The following CCDC192 variants were observed in gnomAD, a reference collection of about 807,000 sequenced individuals.
The protein encoded by CCDC192 is coiled-coil domain-containing protein 192.
At chr5:127,896,797 C>T (rs1399106269) in intron 6 of CCDC192, among the ~76,000 whole-genome samples, 1 of 151,980 alleles carries the variant, frequency 6.6e-6, no homozygotes, top group Non-Finnish European at 1.5e-5. Context: ...AAAGAAAAAC[C>T]CAAAGAACAT....
At chr5:127,750,440 A>G (rs1331814056) in intron 2 of CCDC192, among the ~76,000 whole-genome samples, 1 of 151,988 alleles carries the variant, frequency 6.6e-6, no homozygotes, top group African/African-American at 2.4e-5. Context: ...GAGATTCTTA[A>G]TCCTGAGTTC....
chr5:127,939,811 G>A (rs1754324007), intron 6 of CCDC192, among the ~76,000 whole-genome samples: 1 of 152,102 alleles, frequency 6.6e-6, no homozygotes, highest in African/African-American at 2.4e-5. Context: ...TCTCTCAGGT[G>A]AAGCTGTGAG....
chr5:127,874,826 T>C (rs1170862273), intron 5 of CCDC192, among the ~76,000 whole-genome samples: 1 of 152,178 alleles, frequency 6.6e-6, no homozygotes. Context: ...ATGAATCAAA[T>C]CTACTCTGAA....
intron 6 of CCDC192, among the ~76,000 whole-genome samples, chr5:127,915,584 T>C (rs1466908603): frequency 6.6e-6 from 1 of 152,212 alleles, no homozygotes; most frequent in East Asian, 1.9e-4. Context: ...GGTTTCACCA[T>C]GTTGGCCAGG....
chr5:127,845,988 A>G (rs961489304), intron 5 of CCDC192, among the ~76,000 whole-genome samples: 36 of 152,264 alleles, frequency 2.4e-4, no homozygotes, highest in African/African-American at 8.4e-4. Context: ...GTAGCATTCA[A>G]TAATAAAAGA....
chr5:127,866,620 G>A (rs1207946896), intron 5 of CCDC192, among the ~76,000 whole-genome samples: 2 of 151,576 alleles, frequency 1.3e-5, no homozygotes, highest in Non-Finnish European at 2.9e-5. Context: ...TACTTATAAA[G>A]AATAAAGATT....
intron 6 of CCDC192, among the ~76,000 whole-genome samples, chr5:127,921,164 GAAAA>G (rs1343453610): frequency 6.7e-6 from 1 of 148,338 alleles, no homozygotes; most frequent in Non-Finnish European, 1.5e-5. Flanking sequence ...AAGGAGAAAA[GAAAA>G]GAAAAGAAAA....
At chr5:127,933,156 A>C (rs1319684440) in intron 6 of CCDC192, among the ~76,000 whole-genome samples, 1 of 152,170 alleles carries the variant, frequency 6.6e-6, no homozygotes, top group Non-Finnish European at 1.5e-5. Context: ...AAGGAGGAAT[A>C]GGTTACGTGC....
At chr5:127,711,724 C>T (rs183307779) in intron 2 of CCDC192, among the ~76,000 whole-genome samples, 40 of 152,142 alleles carry the variant, frequency 2.6e-4, no homozygotes, top group Non-Finnish European at 4.7e-4. Flanking sequence ...GGAGGTATCG[C>T]TGTTTATTGT....
intron 3 of CCDC192, among the ~76,000 whole-genome samples, chr5:127,780,686 C>T (rs916161051): frequency 1.3e-5 from 2 of 151,800 alleles, no homozygotes; most frequent in Non-Finnish European, 2.9e-5. Flanking sequence ...TTTTTTCTTG[C>T]TGATTTGTTT....
At chr5:127,755,904 G>A (rs1011382429) in intron 3 of CCDC192, among the ~76,000 whole-genome samples, 8 of 151,932 alleles carry the variant, frequency 5.3e-5, no homozygotes, top group African/African-American at 1.2e-4. Context: ...AGGCTGAGGC[G>A]GGTGGATCAC....
At chr5:127,825,677 A>G (rs1749494693) in intron 5 of CCDC192, among the ~76,000 whole-genome samples, 1 of 152,230 alleles carries the variant, frequency 6.6e-6, no homozygotes, top group Admixed American at 6.5e-5. Context: ...CCAATGATGT[A>G]CATTTTATAT....
intron 6 of CCDC192, among the ~76,000 whole-genome samples, chr5:127,885,212 C>CTT (rs1488118924): frequency 1.3e-5 from 2 of 152,098 alleles, no homozygotes; most frequent in South Asian, 2.1e-4. Flanking sequence ...GGAATTGGAG[C>CTT]TTGATCAATT....
At chr5:127,835,145 G>T (rs1749976895) in intron 5 of CCDC192, among the ~76,000 whole-genome samples, 1 of 151,998 alleles carries the variant, frequency 6.6e-6, no homozygotes, top group African/African-American at 2.4e-5. Context: ...TTTCTATGTG[G>T]TTCTATGGTA....
intron 6 of CCDC192, among the ~76,000 whole-genome samples, chr5:127,926,014 G>A (rs961261031): frequency 6.6e-6 from 1 of 151,632 alleles, no homozygotes; most frequent in Non-Finnish European, 1.5e-5. Flanking sequence ...TCAGCCACGT[G>A]GTGGAAGATT....
intron 3 of CCDC192, among the ~76,000 whole-genome samples, chr5:127,763,412 C>T (rs1020527946): frequency 4.6e-5 from 7 of 152,062 alleles, no homozygotes; most frequent in African/African-American, 1.4e-4. Flanking sequence ...ATCTTTTTTT[C>T]TCTATCTCCA....
At chr5:127,901,358 A>T (rs1017409031) in intron 6 of CCDC192, among the ~76,000 whole-genome samples, 1 of 152,226 alleles carries the variant, frequency 6.6e-6, no homozygotes, top group Non-Finnish European at 1.5e-5. Context: ...AAAAGTAATC[A>T]TTAGGCAGTT....
intron 6 of CCDC192, among the ~76,000 whole-genome samples, chr5:127,882,591 C>T (rs1484069289): frequency 6.6e-6 from 1 of 152,056 alleles, no homozygotes; most frequent in African/African-American, 2.4e-5. Flanking sequence ...AAACGGTTAA[C>T]GTGGTGAAAT....
chr5:127,727,271 G>A (rs1435023433), intron 2 of CCDC192, among the ~76,000 whole-genome samples: 1 of 152,042 alleles, frequency 6.6e-6, no homozygotes, highest in South Asian at 2.1e-4. Flanking sequence ...TCGGGAGGTC[G>A]AGACCAGCCT....
Sources: allele counts gnomAD v4.1 joint callset (sites outside exome capture counted in the v4.1 genomes callset), GRCh38; gene constraint gnomAD v4.1.1; transcripts MANE v1.5; gene names NCBI Gene and HGNC (gene_info 2026-07-23, HGNC 2026-07-21).